CHL1: variants seen among roughly 807,000 people sequenced by gnomAD.
The protein encoded by CHL1 is cell adhesion molecule L1 like, also known as neural cell adhesion molecule L1-like protein.
CHL1 carries 96 observed loss-of-function variants against 141.9 expected under a neutral mutation model. The ratio of observed to expected loss-of-function variants is 0.68; its 90% confidence interval spans 0.57 to 0.80. The LOEUF is 0.80. Ranked by LOEUF, CHL1 falls within the 30% of genes least tolerant of loss-of-function variation. The pLI is 0.00. For missense variants in CHL1, 1,820 were observed against 1,457.2 expected (o/e 1.25, Z -4.05); for synonymous variants, 613 against 502.2 (o/e 1.22, Z -2.95).
rs193124352 is a variant in CHL1, at chr3:220,045, A to G, written c.-175+22982A>G. On this transcript the variant is annotated intron_variant, in intron 1 of 27. Transcript: ENST00000256509. ...AACAAAATAAATGACTCTTAAAAGC[A>G]TTATGCTAGGTGAAAGAAAGTTACA... Among the ~76,000 whole-genome samples, 117 of 152,346 alleles carry G rather than the reference A, an allele frequency of 7.7e-4. 1 individual carries two copies. The highest frequency in any genetic ancestry group is 2.6e-3 in the African/African-American group (108 of 41,584).
intron 2 of CHL1, among the ~76,000 whole-genome samples, chr3:314,329 G>GTGTA (rs1455318071): frequency 4.1e-4 from 27 of 65,336 alleles, no homozygotes; most frequent in Admixed American, 5.8e-4. Flanking sequence ...CTCTCTATGT[G>GTGTA]TATATATATA....
chr3:299,303 C>A (rs1698497618), intron 2 of CHL1, among the ~76,000 whole-genome samples: 1 of 152,150 alleles, frequency 6.6e-6, no homozygotes, highest in Non-Finnish European at 1.5e-5. Flanking sequence ...GATGAGTGAA[C>A]ACTTACTGGG....
intron 11 of CHL1, among the ~76,000 whole-genome samples, chr3:357,769 A>G (rs772154446): frequency 4.5e-4 from 69 of 152,272 alleles, no homozygotes; most frequent in Non-Finnish European, 9.0e-4. Context: ...ATGTTTAATT[A>G]CTTAAATAAA....
chr3:302,515 C>G (rs1698847222), intron 2 of CHL1, among the ~76,000 whole-genome samples: 1 of 152,146 alleles, frequency 6.6e-6, no homozygotes, highest in African/African-American at 2.4e-5. Flanking sequence ...AGCATTTTTT[C>G]ATATGTCTGT....
intron 6 of CHL1, among the ~76,000 whole-genome samples, 165 bp downstream of exon 6, chr3:341,081 AT>A (rs1559280883): frequency 5.3e-5 from 8 of 152,206 alleles, no homozygotes; most frequent in Non-Finnish European, 1.2e-4. Context: ...TGTGAAGACA[AT>A]ACTTCCTATA....
intron 5 of CHL1, among the ~76,000 whole-genome samples, chr3:332,752 T>C (rs1701537693): frequency 6.6e-6 from 1 of 152,160 alleles, no homozygotes; most frequent in South Asian, 2.1e-4. Flanking sequence ...ATGAAAATTG[T>C]GGTTGATCAT....
At chr3:257,709 C>G (rs77981684) in intron 2 of CHL1, among the ~76,000 whole-genome samples, 1 of 151,922 alleles carries the variant, frequency 6.6e-6, no homozygotes, top group Non-Finnish European at 1.5e-5. Flanking sequence ...TGCCACAGGT[C>G]TATTTAAAAT....
At chr3:201,995 G>A (rs757392870) in intron 1 of CHL1, among the ~76,000 whole-genome samples, 28 of 152,130 alleles carry the variant, frequency 1.8e-4, no homozygotes, top group Non-Finnish European at 3.8e-4. Flanking sequence ...CTCTTAAAGT[G>A]TCTGGCACAG....
chr3:336,101 A>G (rs941008231), intron 5 of CHL1, among the ~76,000 whole-genome samples: 3 of 152,216 alleles, frequency 2.0e-5, no homozygotes, highest in African/African-American at 7.2e-5. Context: ...TAGGAAGAGA[A>G]GCCAGGACGC....
chr3:218,540 T>G (rs879709600), intron 1 of CHL1, among the ~76,000 whole-genome samples: 1 of 152,156 alleles, frequency 6.6e-6, no homozygotes, highest in Non-Finnish European at 1.5e-5. Flanking sequence ...GAAAATAAAT[T>G]ATGTTGACTT....
chr3:234,139 C>A (rs1691697802), intron 1 of CHL1, among the ~76,000 whole-genome samples: 1 of 151,580 alleles, frequency 6.6e-6, no homozygotes, highest in African/African-American at 2.4e-5. Flanking sequence ...AGGAAATACA[C>A]TAAAATATTA....
intron 26 of CHL1, among the ~76,000 whole-genome samples, chr3:400,384 G>C (rs1409660641): frequency 6.6e-6 from 1 of 152,128 alleles, no homozygotes; most frequent in South Asian, 2.1e-4. Flanking sequence ...AAACGTTAAA[G>C]AGTTATAGCA....
chr3:231,284 AT>A (rs1474475726), intron 1 of CHL1, among the ~76,000 whole-genome samples: 2 of 152,020 alleles, frequency 1.3e-5, no homozygotes, highest in Non-Finnish European at 2.9e-5. Context: ...ATTAAGGCAG[AT>A]TTTTTTCCTT....
chr3:337,769 TGGTTCCA>T (rs1702022160), intron 5 of CHL1, among the ~76,000 whole-genome samples: 3 of 152,216 alleles, frequency 2.0e-5, no homozygotes, highest in Non-Finnish European at 2.9e-5. Context: ...CTATCATTGT[TGGTTCCA>T]GGACATTTGG....
intron 2 of CHL1, among the ~76,000 whole-genome samples, chr3:313,674 G>C (rs1056130074): frequency 5.3e-5 from 8 of 152,112 alleles, no homozygotes; most frequent in African/African-American, 1.9e-4. Flanking sequence ...TTATAATGGT[G>C]GAATGATCTA....
At chr3:250,605 A>C (rs1693599873) in intron 2 of CHL1, among the ~76,000 whole-genome samples, 1 of 152,144 alleles carries the variant, frequency 6.6e-6, no homozygotes, top group African/African-American at 2.4e-5. Context: ...TCCTCCTTTT[A>C]GGCCTATAGT....
Position 258,864 on chromosome 3 carries a change from T to TC in CHL1, c.-95+14176dup, listed in dbSNP as rs539798755. Reference sequence around the variant, plus strand: ...TTTCATCACATTGTTATTAACTAAGTCCCCTTTTTTTTTTTATAAAGAAGG... The same window carrying TC: ...TTTCATCACATTGTTATTAACTAAGTCCCCCTTTTTTTTTTTATAAAGAAGG... On this transcript the variant is annotated intron_variant, in intron 2 of 27. Transcript: ENST00000256509. 1.9e-3 allele frequency among the ~76,000 whole-genome samples: 285 copies of TC among 151,082 alleles called. 2 individuals carry two copies. Among genetic ancestry groups the TC allele is most frequent in the Middle Eastern group, 0.014 (4 of 292 alleles).
intron 27 of CHL1, among the ~76,000 whole-genome samples, chr3:402,333 G>A (rs958390012): frequency 2.6e-5 from 4 of 152,200 alleles, no homozygotes; most frequent in African/African-American, 4.8e-5. Flanking sequence ...GGCAAGGGAG[G>A]AATGGCAAGA....
At chr3:351,082 A>T (rs1703214686) in intron 10 of CHL1, among the ~76,000 whole-genome samples, 1 of 152,178 alleles carries the variant, frequency 6.6e-6, no homozygotes, top group Non-Finnish European at 1.5e-5. Flanking sequence ...ACACTTCCAG[A>T]TGGCTGGAAC....
Sources: gnomAD v4.1 joint callset for allele counts (sites outside exome capture counted in the v4.1 genomes callset) on GRCh38, gnomAD v4.1.1 for gene constraint, MANE v1.5 for transcripts, NCBI Gene and HGNC (gene_info 2026-07-23, HGNC 2026-07-21) for gene names.